Variants in MKX observed in about 807,000 individuals in gnomAD.
The protein encoded by MKX is mohawk homeobox, also known as homeobox protein Mohawk.
In MKX, 13 loss-of-function variants were observed where a neutral mutation model predicts 36.0. The ratio of observed to expected loss-of-function variants is 0.36; its 90% CI spans 0.24 to 0.57. The LOEUF is 0.57. MKX is among the 20% of genes least tolerant of loss of function. MKX has a pLI of 0.79. For missense variants in MKX, 458 were observed against 456.4 expected (o/e 1.00, Z -0.03); for synonymous variants, 176 against 178.3 (o/e 0.99, Z 0.10).
In MKX at chr10:27,741,315, C is replaced by T. The variant is rs776699430; in HGVS notation, c.348+30G>A. On this transcript the variant is annotated intron_variant, in intron 3 of 6. Transcript: ENST00000419761. This position sits in a 1 kb window ranked among gnomAD's most constrained non-coding sequence, Gnocchi z 5.1. ...CGCTCTTCAGCCCCTCGCGGGAAAA[C>T]GGATCAGGGTGTTAATGGGTCCTGA... 1.2e-6 allele frequency: 2 copies of T among 1,606,506 alleles called. No homozygotes were observed. Among genetic ancestry groups the T allele is most frequent in the Middle Eastern group, 1.7e-4 (1 of 6,030 alleles).
chr10:27,687,760 C>G (rs11015944), intron 5 of MKX, among the ~76,000 whole-genome samples: 1 of 152,172 alleles, frequency 6.6e-6, no homozygotes, highest in African/African-American at 2.4e-5. Context: ...CCATCTTCCC[C>G]AAGTTTAAAA....
chr10:27,680,774 T>A (rs946215001), intron 5 of MKX, among the ~76,000 whole-genome samples: 3 of 152,172 alleles, frequency 2.0e-5, no homozygotes, highest in Non-Finnish European at 4.4e-5. Context: ...ATTCAGGTTT[T>A]TAAATTAAAT....
intron 5 of MKX, among the ~76,000 whole-genome samples, chr10:27,691,419 C>T (rs968218220): frequency 2.0e-5 from 3 of 152,054 alleles, no homozygotes; most frequent in East Asian, 1.9e-4. Context: ...GTGTTCACTA[C>T]GGTATAGCAG....
chr10:27,743,520 G>C, intron 1 of MKX, 23 bp from the exon 2 acceptor site: 7 of 1,218,494 alleles, frequency 5.7e-6, no homozygotes, highest in Non-Finnish European at 6.6e-6. Context: ...GGTGCATCTC[G>C]TTACTTACTG....
intron 5 of MKX, among the ~76,000 whole-genome samples, chr10:27,733,509 T>C (rs1564365353): frequency 1.3e-5 from 2 of 152,256 alleles, no homozygotes; most frequent in Non-Finnish European, 2.9e-5. Context: ...CTATCTCTTG[T>C]GCAGATTCAG....
intron 5 of MKX, among the ~76,000 whole-genome samples, chr10:27,686,482 T>C (rs1029843074): frequency 8.6e-5 from 13 of 151,086 alleles, no homozygotes; most frequent in African/African-American, 3.2e-4. Flanking sequence ...AAGAGAAAAG[T>C]CTTTTCTTTC....
At chr10:27,678,640 TC>T (rs1362960349) in intron 5 of MKX, among the ~76,000 whole-genome samples, 3 of 152,122 alleles carry the variant, frequency 2.0e-5, no homozygotes, top group Non-Finnish European at 4.4e-5. Flanking sequence ...CGTCAATGTA[TC>T]AATGCCATCA....
At chr10:27,685,740 A>G (rs1477463252) in intron 5 of MKX, among the ~76,000 whole-genome samples, 1 of 152,126 alleles carries the variant, frequency 6.6e-6, no homozygotes, top group Non-Finnish European at 1.5e-5. Context: ...GTCAGCCACC[A>G]CACCCGGCCC....
intron 5 of MKX, among the ~76,000 whole-genome samples, chr10:27,726,714 A>T (rs1398603860): frequency 5.5e-5 from 8 of 144,542 alleles, no homozygotes; most frequent in South Asian, 2.2e-4. Flanking sequence ...TCATTGTTTA[A>T]TTTTTTTTTT....
chr10:27,674,406 T>G lies in MKX; in HGVS notation c.*823A>C, dbSNP rs993771200. ...GCTCTAATGCAAACAGGATTATGTT[T>G]TAAAACTACAGGTTTAGTTTTACAC... On this transcript the variant is annotated 3_prime_UTR_variant, in exon 7 of 7. Coordinates refer to ENST00000419761, the MANE Select transcript of MKX (RefSeq NM_173576.3). 4 of 152,672 alleles carry G rather than the reference T, an allele frequency of 2.6e-5. No homozygotes were observed. Among genetic ancestry groups the G allele is most frequent in the African/African-American group, 7.2e-5 (3 of 41,464 alleles). The allele number at this position is 152,672 out of a possible 1,614,324, so 9.5% of individuals were successfully genotyped here. A position where few individuals can be genotyped will look rare whatever the true frequency, so the allele number is the denominator to read the frequency against.
chr10:27,684,852 A>G (rs1836315175), intron 5 of MKX, among the ~76,000 whole-genome samples: 1 of 152,248 alleles, frequency 6.6e-6, no homozygotes, highest in Non-Finnish European at 1.5e-5. Context: ...ATCATCAGAC[A>G]TTAGTTAGAT....
At chr10:27,683,527 G>A (rs1836292353) in intron 5 of MKX, among the ~76,000 whole-genome samples, 2 of 152,376 alleles carry the variant, frequency 1.3e-5, no homozygotes, top group South Asian at 4.1e-4. Flanking sequence ...TTGCTCATGA[G>A]GACTGGCCTA....
intron 5 of MKX, among the ~76,000 whole-genome samples, chr10:27,724,631 T>C (rs763676365): frequency 1.3e-5 from 2 of 152,082 alleles, no homozygotes; most frequent in African/African-American, 2.4e-5. Flanking sequence ...TTCTGGCCAC[T>C]TCCTGGTAAT....
intron 5 of MKX, among the ~76,000 whole-genome samples, chr10:27,688,603 A>T (rs1036333023): frequency 6.6e-6 from 1 of 152,230 alleles, no homozygotes; most frequent in African/African-American, 2.4e-5. Flanking sequence ...AGTCTCAGAA[A>T]ATGACTTCCT....
chr10:27,740,349 CT>C (rs1425863085), intron 3 of MKX, among the ~76,000 whole-genome samples: 2 of 152,182 alleles, frequency 1.3e-5, no homozygotes, highest in African/African-American at 4.8e-5. Flanking sequence ...GATGTAGCCC[CT>C]CCTCCTCTTC....
rs57352901 is a variant in MKX at position 27,729,292 on chromosome 10, CT to C, written c.838+5163del. On this transcript the variant is annotated intron_variant, in intron 5 of 6. Transcript: ENST00000419761. ...GAGCAACCATTCTAATGCACTAGGC[CT>C]TTTTTTTTTTTTTTTTTTGAGACAG... Among the ~76,000 whole-genome samples the C allele has an allele frequency of 7.9e-3, 928 of 118,058 alleles. 12 individuals are homozygous for C. Among genetic ancestry groups the C allele is most frequent in the East Asian group, 0.071 (286 of 4,022 alleles). 77.5% of individuals were successfully genotyped at this position (118,058 alleles called of 152,430 possible).
At chr10:27,740,324 C>G (rs1834865591) in intron 3 of MKX, among the ~76,000 whole-genome samples, 1 of 152,178 alleles carries the variant, frequency 6.6e-6, no homozygotes, top group Non-Finnish European at 1.5e-5. Context: ...CCGCAATGTG[C>G]AAAACTTTTC....
At chr10:27,733,696 C>T (rs933003839) in intron 5 of MKX, among the ~76,000 whole-genome samples, 1 of 152,182 alleles carries the variant, frequency 6.6e-6, no homozygotes, top group Non-Finnish European at 1.5e-5. Context: ...CATGCATATT[C>T]CTTGTTCCAA....
At chr10:27,707,004 C>T (rs998418770) in intron 5 of MKX, among the ~76,000 whole-genome samples, 9 of 152,192 alleles carry the variant, frequency 5.9e-5, no homozygotes, top group Non-Finnish European at 1.0e-4. Context: ...TCATGGTCAC[C>T]GCGTCAGCCC....
Sources: allele counts gnomAD v4.1 joint callset (sites outside exome capture counted in the v4.1 genomes callset), GRCh38; gene constraint gnomAD v4.1.1; non-coding constraint Gnocchi (gnomAD v3.1); transcripts MANE v1.5; gene names NCBI Gene and HGNC (gene_info 2026-07-23, HGNC 2026-07-21).